Variants in NBAS observed in about 807,000 individuals in gnomAD.
NBAS encodes the protein NBAS subunit of NRZ tethering complex, also known as NAG/BC035112 fusion.
A neutral mutation model predicts 302.5 loss-of-function variants in NBAS; 219 were observed. The ratio of observed to expected loss-of-function variants is 0.72; its 90% CI spans 0.65 to 0.81. The LOEUF is 0.81. Among genes scored for constraint, NBAS ranks in the 30% least tolerant of loss-of-function variants. NBAS has a pLI of 0.00. For synonymous variants in NBAS, 1,118 were observed against 1,021.6 expected (o/e 1.09, Z -1.80); for missense variants, 2,932 against 2,841.6 (o/e 1.03, Z -0.72).
At chr2:15,504,603 A>G (rs1661752810) in intron 10 of NBAS, among the ~76,000 whole-genome samples, 1 of 152,228 alleles carries the variant, frequency 6.6e-6, no homozygotes, top group African/African-American at 2.4e-5. Context: ...CTATGCTTGA[A>G]AAACACCAAA....
At chr2:15,449,516 C>T (rs1221039319) in intron 21 of NBAS, among the ~76,000 whole-genome samples, 1 of 152,168 alleles carries the variant, frequency 6.6e-6, no homozygotes, top group Non-Finnish European at 1.5e-5. Flanking sequence ...TGTCAACATA[C>T]TTCCAAGGCC....
chr2:14,960,000 C>T, the NBAS span, among the ~76,000 whole-genome samples: 2 of 152,144 alleles, frequency 1.3e-5, no homozygotes, highest in Non-Finnish European at 2.9e-5. Context: ...ATTGACAGCT[C>T]CAAGGTCAGT....
chr2:14,865,117 C>A, the NBAS span, among the ~76,000 whole-genome samples: 1 of 152,160 alleles, frequency 6.6e-6, no homozygotes, highest in Non-Finnish European at 1.5e-5. Context: ...GGCTTCTTAA[C>A]TATACTAGAG....
chr2:14,809,971 T>G, the NBAS span, among the ~76,000 whole-genome samples: 1 of 152,220 alleles, frequency 6.6e-6, no homozygotes, highest in Admixed American at 6.5e-5. Flanking sequence ...TATTTTGGAC[T>G]TGCATGGGGC....
chr2:15,214,572 T>C (rs1432946048), intron 48 of NBAS, among the ~76,000 whole-genome samples: 1 of 152,236 alleles, frequency 6.6e-6, no homozygotes, highest in African/African-American at 2.4e-5. Context: ...CTAGGTTATA[T>C]TATATGATAT....
At chr2:15,043,823 C>T in the NBAS span, among the ~76,000 whole-genome samples, 4 of 152,222 alleles carry the variant, frequency 2.6e-5, no homozygotes, top group African/African-American at 9.6e-5. Flanking sequence ...AACTCAGCAT[C>T]TCACCTTGGA....
At chr2:15,157,479 C>T in the NBAS span, among the ~76,000 whole-genome samples, 295 of 152,274 alleles carry the variant, frequency 1.9e-3, 3 homozygotes, top group Middle Eastern at 6.8e-3. Context: ...CGTTTAGGGC[C>T]GTCTTCGCAG....
the NBAS span, among the ~76,000 whole-genome samples, chr2:14,783,409 T>C: frequency 8.6e-5 from 13 of 151,342 alleles, no homozygotes; most frequent in African/African-American, 3.2e-4. Flanking sequence ...CATGCTGGTG[T>C]GCTGCACCCA....
intron 21 of NBAS, among the ~76,000 whole-genome samples, chr2:15,457,661 G>A (rs931000846): frequency 1.3e-5 from 2 of 152,126 alleles, no homozygotes; most frequent in African/African-American, 2.4e-5. Flanking sequence ...TTCCATGCAC[G>A]TTCGAGGTGC....
Position 15,424,174 on chromosome 2 carries a change from A to C in NBAS, c.2577+141T>G, listed in dbSNP as rs1677346725. On this transcript the variant is annotated intron_variant, in intron 23 of 51. Coordinates refer to ENST00000281513, the MANE Select transcript of NBAS (RefSeq NM_015909.4). ...AACGTTCTAATGCACAGGATAACAA[A>C]GAAATAAATATTCAATTCATCTCTT... 5 of 1,072,174 alleles carry C rather than the reference A, an allele frequency of 4.7e-6. No individual in the cohort carries two copies. The East Asian group carries it at 1.3e-4, about 27-fold the overall frequency. The allele number at this position is 1,072,174 out of a possible 1,614,324, so 66.4% of individuals were successfully genotyped here. A position where few individuals can be genotyped will look rare whatever the true frequency, so the allele number is the denominator to read the frequency against.
In NBAS at chr2:15,309,172, T is replaced by C. The variant is rs780921647; in HGVS notation, c.4658A>G (p.Gln1553Arg). The C allele has an allele frequency of 1.2e-6, 2 of 1,611,812 alleles. No homozygotes were observed. The highest frequency in any genetic ancestry group is 1.7e-6 in the Non-Finnish European group (2 of 1,178,344). The change falls in exon 39 of 52, where the codon CAA (glutamine) becomes CGA (arginine). Residue 1553 changes from glutamine to arginine, a missense_variant and splice_region_variant. By Grantham distance (43) the Gln-to-Arg change is conservative (BLOSUM62 1). Coordinates refer to ENST00000281513, the MANE Select transcript of NBAS (RefSeq NM_015909.4). ...CTTCATTGGTAAGGGCAAACTTACT[T>C]GTGGTAAGGCAAGAAGGTAAGCAAG... ...LALAYLLALP[Q>R]VLDANRCFEK...
At chr2:14,842,977 T>C in the NBAS span, among the ~76,000 whole-genome samples, 1 of 151,996 alleles carries the variant, frequency 6.6e-6, no homozygotes, top group Non-Finnish European at 1.5e-5. Context: ...AATAATCAAG[T>C]AGAATTCATC....
the NBAS span, among the ~76,000 whole-genome samples, chr2:14,781,756 A>AAC: frequency 1.3e-5 from 2 of 151,798 alleles, no homozygotes; most frequent in Non-Finnish European, 2.9e-5. Context: ...CAAAAAAAAA[A>AAC]AAAACTGGCA....
chr2:15,371,054 G>T (rs1053738819), intron 31 of NBAS, among the ~76,000 whole-genome samples: 1 of 152,300 alleles, frequency 6.6e-6, no homozygotes, highest in Non-Finnish European at 1.5e-5. Flanking sequence ...TTGAGGGAAT[G>T]ACCTGGTGGA....
the NBAS span, among the ~76,000 whole-genome samples, chr2:15,067,799 G>A: frequency 6.6e-6 from 1 of 152,038 alleles, no homozygotes; most frequent in African/African-American, 2.4e-5. Context: ...TCACAAATTT[G>A]TTAAGAGAGT....
chr2:15,133,101 T>C, the NBAS span, among the ~76,000 whole-genome samples: 1 of 152,334 alleles, frequency 6.6e-6, no homozygotes, highest in Admixed American at 6.5e-5. Flanking sequence ...GTGTGTCTGC[T>C]CCATCAGTTC....
intron 9 of NBAS, among the ~76,000 whole-genome samples, chr2:15,532,468 G>A (rs1369692499): frequency 6.8e-6 from 1 of 146,226 alleles, no homozygotes; most frequent in Non-Finnish European, 1.5e-5. Flanking sequence ...CAGCCTGGGC[G>A]GCAGAGTGAG....
At chr2:14,843,583 A>ACACACACACAC in the NBAS span, among the ~76,000 whole-genome samples, 11 of 94,160 alleles carry the variant, frequency 1.2e-4, no homozygotes, top group African/African-American at 1.5e-3. Flanking sequence ...CACACACACA[A>ACACACACACAC]AAATACCTTC....
At chr2:15,439,296 G>T (rs139684426) in intron 21 of NBAS, among the ~76,000 whole-genome samples, 3 of 145,332 alleles carry the variant, frequency 2.1e-5, no homozygotes, top group African/African-American at 7.8e-5. Flanking sequence ...AGCAAGACTC[G>T]GTCTCAAATA....
Sources: allele counts gnomAD v4.1 joint callset (sites outside exome capture counted in the v4.1 genomes callset), GRCh38; gene constraint gnomAD v4.1.1; transcripts MANE v1.5; gene names NCBI Gene and HGNC (gene_info 2026-07-23, HGNC 2026-07-21).